The following ADAMTSL1 variants were observed in gnomAD, a reference collection of about 807,000 sequenced individuals.
ADAMTSL1 encodes the protein ADAMTS like 1, also known as ADAMTS-like protein 1.
In ADAMTSL1, 126 loss-of-function variants were observed where a neutral mutation model predicts 201.8. That is an observed-to-expected ratio of 0.62 (90% CI 0.54 to 0.72). The LOEUF (loss-of-function observed/expected upper bound fraction) is 0.72. ADAMTSL1 is among the 30% of genes least tolerant of loss of function. The probability of loss-of-function intolerance (pLI) is 0.00; values close to 1 mark genes in which losing one functional copy is unlikely to be tolerated. For missense variants in ADAMTSL1, 2,679 were observed against 2,277.8 expected (o/e 1.18, Z -3.59); for synonymous variants, 1,121 against 903.4 (o/e 1.24, Z -4.32).
chr9:18,083,238 A>G (rs1440579849), intron 1 of ADAMTSL1, among the ~76,000 whole-genome samples: 1 of 152,204 alleles, frequency 6.6e-6, no homozygotes, highest in Non-Finnish European at 1.5e-5. Flanking sequence ...ACCTACAAGT[A>G]TTGGAAAGAT....
At chr9:18,679,053 G>A (rs1301214851) in intron 10 of ADAMTSL1, among the ~76,000 whole-genome samples, 1 of 152,044 alleles carries the variant, frequency 6.6e-6, no homozygotes, top group African/African-American at 2.4e-5. Flanking sequence ...GATAACAGTT[G>A]TTGCCTAAAC....
At chr9:18,577,443 A>C (rs1261679594) in intron 4 of ADAMTSL1, among the ~76,000 whole-genome samples, 1 of 152,098 alleles carries the variant, frequency 6.6e-6, no homozygotes, top group Non-Finnish European at 1.5e-5. Context: ...CCGAGATTGC[A>C]CCACTGTACT....
chr9:18,359,421 G>C (rs1408357869), intron 2 of ADAMTSL1, among the ~76,000 whole-genome samples: 1 of 152,168 alleles, frequency 6.6e-6, no homozygotes, highest in African/African-American at 2.4e-5. Context: ...GTTTAACAAT[G>C]TGATTCTTTT....
At chr9:18,264,865 C>G (rs1407009201) in intron 2 of ADAMTSL1, among the ~76,000 whole-genome samples, 1 of 152,124 alleles carries the variant, frequency 6.6e-6, no homozygotes, top group Non-Finnish European at 1.5e-5. Flanking sequence ...GCTTCACCAC[C>G]CATTGTATGT....
chr9:18,092,972 G>A (rs980419386), intron 1 of ADAMTSL1, among the ~76,000 whole-genome samples: 3 of 152,124 alleles, frequency 2.0e-5, no homozygotes, highest in Non-Finnish European at 4.4e-5. Flanking sequence ...AGGGAAAATT[G>A]GGGCTCAATC....
chr9:18,854,910 T>A (rs915267659), intron 23 of ADAMTSL1, among the ~76,000 whole-genome samples: 1 of 152,208 alleles, frequency 6.6e-6, no homozygotes, highest in Non-Finnish European at 1.5e-5. Context: ...AAGGTTATAA[T>A]TGTAAATTAT....
chr9:17,923,837 G>T (rs1224368188), intron 1 of ADAMTSL1, among the ~76,000 whole-genome samples: 13 of 123,690 alleles, frequency 1.1e-4, no homozygotes, highest in East Asian at 2.4e-4. Flanking sequence ...AGCATGAAGG[G>T]TTGTTGAATT....
At chr9:18,840,966 A>G (rs1351128238) in intron 23 of ADAMTSL1, among the ~76,000 whole-genome samples, 1 of 148,032 alleles carries the variant, frequency 6.8e-6, no homozygotes, top group East Asian at 2.0e-4. Flanking sequence ...TAGATATACA[A>G]TCATGTCATC....
intron 23 of ADAMTSL1, among the ~76,000 whole-genome samples, chr9:18,859,211 C>T (rs1253238406): frequency 6.6e-6 from 1 of 152,142 alleles, no homozygotes; most frequent in Non-Finnish European, 1.5e-5. Context: ...TCAAGATTGA[C>T]CAAGATGTTT....
intron 2 of ADAMTSL1, among the ~76,000 whole-genome samples, chr9:18,311,703 C>T (rs1489124712): frequency 6.6e-6 from 1 of 152,172 alleles, no homozygotes; most frequent in Non-Finnish European, 1.5e-5. Context: ...AGCCAGGGAG[C>T]CCTGAATGTG....
intron 2 of ADAMTSL1, among the ~76,000 whole-genome samples, chr9:18,211,566 C>A (rs1361947248): frequency 6.6e-6 from 1 of 152,222 alleles, no homozygotes; most frequent in Non-Finnish European, 1.5e-5. Flanking sequence ...AAATCTTCTG[C>A]TGACAGACCA....
intron 2 of ADAMTSL1, among the ~76,000 whole-genome samples, chr9:18,178,709 G>C (rs1265955040): frequency 1.3e-5 from 2 of 151,868 alleles, no homozygotes; most frequent in Non-Finnish European, 2.9e-5. Context: ...CCTCAAGTGG[G>C]TCCCTGACCC....
At chr9:18,765,007 A>G (rs979182347) in intron 16 of ADAMTSL1, among the ~76,000 whole-genome samples, 1 of 152,204 alleles carries the variant, frequency 6.6e-6, no homozygotes, top group African/African-American at 2.4e-5. Context: ...AAATAAGACA[A>G]CTTATGTTCA....
intron 16 of ADAMTSL1, among the ~76,000 whole-genome samples, chr9:18,758,930 A>C (rs1035898633): frequency 1.3e-5 from 2 of 152,188 alleles, no homozygotes; most frequent in Non-Finnish European, 2.9e-5. Flanking sequence ...TAATATATCA[A>C]TGTATATATC....
At chr9:18,681,707 GGGC>G in intron 11 of ADAMTSL1, 102 bp from the exon 12 acceptor site, 1 of 739,842 alleles carries the variant, frequency 1.4e-6, no homozygotes, top group East Asian at 3.3e-5. Context: ...TGGGGGGGGG[GGGC>G]GGGGAAAAAG....
rs62549394 is a variant in ADAMTSL1, at chr9:18,648,989, A to G, written c.835-8650A>G. Reference sequence around the variant, plus strand: ...ATAATATCCTGCAGAGTGTTTTCCAACTTGGTTCCATTCTCCCCATCACTT... The same window carrying G: ...ATAATATCCTGCAGAGTGTTTTCCAGCTTGGTTCCATTCTCCCCATCACTT... On this transcript the variant is annotated intron_variant, in intron 7 of 28. Coordinates refer to ENST00000380548, the MANE Select transcript of ADAMTSL1 (RefSeq NM_001040272.6). 9.7e-3 allele frequency among the ~76,000 whole-genome samples: 1,474 copies of G among 152,262 alleles called. 17 individuals are homozygous for G. The highest frequency in any genetic ancestry group is 0.028 in the African/African-American group (1,164 of 41,546).
In ADAMTSL1 at chr9:18,718,511, A is replaced by G. The variant is rs12349321; in HGVS notation, c.1877-3025A>G. The G allele has an allele frequency of 5.9e-3, 3,283 of 555,542 alleles. 73 individuals carry two copies. The highest frequency in any genetic ancestry group is 0.052 in the African/African-American group (2,734 of 52,782). The allele number at this position is 555,542 out of a possible 1,614,324, so 34.4% of individuals were successfully genotyped here. A position where few individuals can be genotyped will look rare whatever the true frequency, so the allele number is the denominator to read the frequency against. On this transcript the variant is annotated intron_variant, in intron 14 of 28. Transcript: ENST00000380548. ...AACGCCTCCTGGGCCAAGAATGACT[A>G]GCTTATACTCATGCATGATGCAAAC...
chr9:18,210,953 T>G (rs748807089), intron 2 of ADAMTSL1, among the ~76,000 whole-genome samples: 1 of 151,300 alleles, frequency 6.6e-6, no homozygotes, highest in Non-Finnish European at 1.5e-5. Context: ...TAGTTACACA[T>G]TGTGATAAGT....
chr9:18,226,426 ACTTCC>A (rs1181105027), intron 2 of ADAMTSL1, among the ~76,000 whole-genome samples: 2 of 151,966 alleles, frequency 1.3e-5, no homozygotes, highest in East Asian at 3.9e-4. Context: ...TAGGGATTCT[ACTTCC>A]CTTGTAATTC....
Sources: gnomAD v4.1 joint callset for allele counts (sites outside exome capture counted in the v4.1 genomes callset) on GRCh38, gnomAD v4.1.1 for gene constraint, MANE v1.5 for transcripts, NCBI Gene and HGNC (gene_info 2026-07-23, HGNC 2026-07-21) for gene names.